MDGA2: variants seen among roughly 807,000 people sequenced by gnomAD.
MDGA2 encodes MAM domain containing glycosylphosphatidylinositol anchor 2, also known as MAM domain-containing glycosylphosphatidylinositol anchor protein 2.
A neutral mutation model predicts 117.8 loss-of-function variants in MDGA2; 40 were observed. The ratio of observed to expected loss-of-function variants is 0.34; its 90% confidence interval spans 0.26 to 0.44. MDGA2 has a LOEUF of 0.44. MDGA2 is among the 20% of genes least tolerant of loss of function. The pLI is 1.00. For synonymous variants in MDGA2, 452 were observed against 439.0 expected, an observed-to-expected ratio of 1.03 and a Z score of -0.37; for missense variants, 1,123 against 1,250.6, an observed-to-expected ratio of 0.90 and a Z score of 1.54.
rs559937240 is a variant in MDGA2 at position 47,272,480 on chromosome 14, A to G, written c.420+28931T>C. Among the ~76,000 whole-genome samples the G allele has an allele frequency of 1.2e-4, 19 of 152,260 alleles. 1 individual carries two copies. The highest frequency in any genetic ancestry group is 4.6e-4 in the African/African-American group (19 of 41,548). On this transcript the variant is annotated intron_variant, in intron 2 of 16. Coordinates refer to ENST00000399232, the MANE Select transcript of MDGA2 (RefSeq NM_001113498.3). ...GAGGGGGAGTTGAAAGACGAAGGGA[A>G]GGAAAAGTTCTCACCTATCCTCTGC...
chr14:46,938,785 C>G (rs1884886000), intron 9 of MDGA2, among the ~76,000 whole-genome samples: 1 of 151,960 alleles, frequency 6.6e-6, no homozygotes, highest in Admixed American at 6.6e-5. Flanking sequence ...GGAAGGAAAT[C>G]AGTACAGTAC....
intron 1 of MDGA2, among the ~76,000 whole-genome samples, chr14:47,573,842 G>A (rs1566522398): frequency 6.6e-6 from 1 of 152,030 alleles, no homozygotes; most frequent in Non-Finnish European, 1.5e-5. Context: ...ATTAAGAAGT[G>A]ATTTCATTGT....
intron 10 of MDGA2, among the ~76,000 whole-genome samples, chr14:46,890,389 C>T (rs752797939): frequency 3.9e-5 from 6 of 152,062 alleles, no homozygotes; most frequent in Non-Finnish European, 7.4e-5. Context: ...AAATTCTCAA[C>T]TGACCTTTTC....
At chr14:47,266,638 C>T (rs1887974779) in intron 2 of MDGA2, among the ~76,000 whole-genome samples, 1 of 152,110 alleles carries the variant, frequency 6.6e-6, no homozygotes, top group African/African-American at 2.4e-5. Context: ...GGATCTGTTC[C>T]CTATAATCTC....
chr14:47,416,582 C>A (rs1243965805), intron 1 of MDGA2, among the ~76,000 whole-genome samples: 8 of 152,168 alleles, frequency 5.3e-5, no homozygotes, highest in Non-Finnish European at 1.2e-4. Context: ...TAGGCACTGC[C>A]CTAGTGGGGA....
At chr14:47,520,519 A>G (rs1214269824) in intron 1 of MDGA2, among the ~76,000 whole-genome samples, 2 of 152,188 alleles carry the variant, frequency 1.3e-5, no homozygotes, top group Non-Finnish European at 2.9e-5. Context: ...TGGACATTAA[A>G]GTGTAAGTAC....
At chr14:47,235,417 T>C (rs1886824931) in intron 2 of MDGA2, among the ~76,000 whole-genome samples, 2 of 152,230 alleles carry the variant, frequency 1.3e-5, no homozygotes, top group African/African-American at 4.8e-5. Flanking sequence ...AAGAATAATG[T>C]GAACAACTAA....
chr14:46,866,074 G>A (rs1320751804), intron 14 of MDGA2, among the ~76,000 whole-genome samples: 13 of 151,560 alleles, frequency 8.6e-5, no homozygotes, highest in South Asian at 4.2e-4. Context: ...AAAAGAGCCC[G>A]CATCACCAAG....
In MDGA2 at chr14:47,254,974, A is replaced by G. The variant is rs79999061; in HGVS notation, c.421-36779T>C. ...AAGCCATAAGATCTTATAAGGATTT[A>G]CTGACTATCAGGAAAATGGCATGAG... On this transcript the variant is annotated intron_variant, in intron 2 of 16. Transcript: ENST00000399232. Among the ~76,000 whole-genome samples, 372 of 152,302 alleles carry G rather than the reference A, an allele frequency of 2.4e-3. 2 individuals carry two copies. The highest frequency in any genetic ancestry group is 8.3e-3 in the African/African-American group (347 of 41,566).
At chr14:47,125,833 C>A (rs754703267) in intron 5 of MDGA2, among the ~76,000 whole-genome samples, 1 of 151,820 alleles carries the variant, frequency 6.6e-6, no homozygotes, top group African/African-American at 2.4e-5. Context: ...TTCATCATAA[C>A]CTCTCAAGCA....
chr14:46,990,858 ACACACACC>A (rs1887060831), intron 8 of MDGA2, among the ~76,000 whole-genome samples: 1 of 59,038 alleles, frequency 1.7e-5, no homozygotes, highest in Non-Finnish European at 3.6e-5. Context: ...ATTAGAACAC[ACACACACC>A]CACACACACA....
intron 7 of MDGA2, among the ~76,000 whole-genome samples, chr14:47,055,588 T>C (rs1463141462): frequency 1.3e-5 from 2 of 152,180 alleles, no homozygotes; most frequent in African/African-American, 4.8e-5. Flanking sequence ...TATAGACAAG[T>C]AACGGTTACA....
chr14:47,012,775 C>T (rs1445911569), intron 8 of MDGA2, among the ~76,000 whole-genome samples: 1 of 152,112 alleles, frequency 6.6e-6, no homozygotes, highest in Non-Finnish European at 1.5e-5. Flanking sequence ...CTCTGAGATA[C>T]TGCAGTTCAT....
chr14:47,247,361 G>A (rs924430896), intron 2 of MDGA2, among the ~76,000 whole-genome samples: 2 of 149,306 alleles, frequency 1.3e-5, no homozygotes, highest in Non-Finnish European at 1.5e-5. Context: ...CTGGAGTGCA[G>A]TGGTGTGATC....
intron 1 of MDGA2, among the ~76,000 whole-genome samples, chr14:47,458,739 AAC>A (rs1251921082): frequency 6.6e-6 from 1 of 152,096 alleles, no homozygotes; most frequent in Non-Finnish European, 1.5e-5. Context: ...TCACAACATT[AAC>A]ACATATCAAA....
At chr14:47,439,935 C>A (rs972167644) in intron 1 of MDGA2, among the ~76,000 whole-genome samples, 2 of 151,884 alleles carry the variant, frequency 1.3e-5, no homozygotes, top group Admixed American at 6.6e-5. Context: ...TTACTTTTAG[C>A]CTTTTTTTCT....
At chr14:47,451,561 A>G (rs1286503128) in intron 1 of MDGA2, among the ~76,000 whole-genome samples, 2 of 152,126 alleles carry the variant, frequency 1.3e-5, no homozygotes, top group South Asian at 2.1e-4. Flanking sequence ...AGGCTAATGT[A>G]TATGTGACAG....
intron 1 of MDGA2, among the ~76,000 whole-genome samples, chr14:47,302,372 C>G (rs7156257): frequency 0.028 from 4,246 of 152,206 alleles, 197 homozygotes; most frequent in African/African-American, 0.096. Flanking sequence ...TTGACAGCTA[C>G]TAGCTTCAAA....
rs1282817433 is a variant in MDGA2 at position 46,871,004 on chromosome 14, GAGAA to G, written c.2752+2425_2752+2428del. On this transcript the variant is annotated intron_variant, in intron 14 of 16. Transcript: ENST00000399232. ...TGTGATCCAATGTAAATTGGAAGAG[GAGAA>G]AGAAAGTACATGACACATATTCAAA... is the stretch of plus-strand genomic sequence containing the variant. 15 of 151,852 alleles carry G rather than the reference GAGAA, an allele frequency of 9.9e-5. No homozygotes were observed. In the East Asian group the frequency reaches 2.1e-3, roughly 22 times the overall value. The allele number at this position is 151,852 out of a possible 1,614,324, so 9.4% of individuals were successfully genotyped here.
Sources: allele counts gnomAD v4.1 joint callset (sites outside exome capture counted in the v4.1 genomes callset), GRCh38; gene constraint gnomAD v4.1.1; transcripts MANE v1.5; gene names NCBI Gene and HGNC (gene_info 2026-07-23, HGNC 2026-07-21).